USP34: variants seen among roughly 807,000 people sequenced by gnomAD.
USP34 encodes ubiquitin specific peptidase 34.
Under a neutral mutation model 460.3 loss-of-function variants are expected in USP34, and 70 were observed. That is an observed-to-expected ratio of 0.15 (90% CI 0.13 to 0.19). The LOEUF (loss-of-function observed/expected upper bound fraction) is 0.19, where lower values mean the gene tolerates loss of function less well. USP34 is among the 10% of genes least tolerant of loss of function. USP34 has a pLI of 1.00. For synonymous variants in USP34, 1,647 were observed against 1,405.3 expected, an observed-to-expected ratio of 1.17 and a Z score of -3.85; for missense variants, 3,985 against 4,236.2, an observed-to-expected ratio of 0.94 and a Z score of 1.65.
At chr2:61,314,811 T>C in intron 24 of USP34, 64 bp downstream of exon 24, 1 of 1,587,898 alleles carries the variant, frequency 6.3e-7, no homozygotes, top group East Asian at 2.2e-5. Flanking sequence ...CAAAGAAAAA[T>C]TTTAGTTTCA....
intron 8 of USP34, among the ~76,000 whole-genome samples, chr2:61,374,552 A>C (rs779404798): frequency 6.6e-6 from 1 of 152,206 alleles, no homozygotes; most frequent in Non-Finnish European, 1.5e-5. Context: ...CTTGCTTCAG[A>C]GCTCATACAG....
intron 21 of USP34, among the ~76,000 whole-genome samples, chr2:61,322,886 C>A: frequency 6.6e-6 from 1 of 152,042 alleles, no homozygotes; most frequent in Admixed American, 6.5e-5. Context: ...TAATTATAGT[C>A]AACTAAATAA....
chr2:61,274,996 G>A (rs1432037087), intron 41 of USP34, among the ~76,000 whole-genome samples: 2 of 152,226 alleles, frequency 1.3e-5, no homozygotes, highest in East Asian at 1.9e-4. Context: ...AATATTCTGG[G>A]CCAGGCATGG....
At chr2:61,458,459 G>T (rs1695501052) in intron 1 of USP34, among the ~76,000 whole-genome samples, 1 of 151,444 alleles carries the variant, frequency 6.6e-6, no homozygotes, top group African/African-American at 2.4e-5. Context: ...TACTCGGGAG[G>T]CTGAGGCAGG....
chr2:61,362,256 C>G (rs1692298317), intron 10 of USP34, among the ~76,000 whole-genome samples: 1 of 152,084 alleles, frequency 6.6e-6, no homozygotes, highest in African/African-American at 2.4e-5. Flanking sequence ...GGACGTTCCT[C>G]AAAAAATTAA....
chr2:61,383,121 A>C, intron 6 of USP34, 148 bp downstream of exon 6: 1 of 461,104 alleles, frequency 2.2e-6, no homozygotes, highest in Non-Finnish European at 3.8e-6. Context: ...ATATATGTGC[A>C]TAAAAAACAC....
chr2:61,466,134 T>C (rs1015949961), intron 1 of USP34, among the ~76,000 whole-genome samples: 1 of 151,582 alleles, frequency 6.6e-6, no homozygotes, highest in Non-Finnish European at 1.5e-5. Flanking sequence ...AACAATAATA[T>C]ATGATACAAG....
Position 61,229,468 on chromosome 2 carries a change from A to AC in USP34, c.7199+79_7199+80insG, listed in dbSNP as rs1409301133. 48 of 628,582 alleles carry AC rather than the reference A, an allele frequency of 7.6e-5. 1 individual carries two copies. The highest frequency in any genetic ancestry group is 3.7e-4 in the East Asian group (8 of 21,454). 38.9% of individuals were successfully genotyped at this position (628,582 alleles called of 1,614,324 possible). The stretch of plus-strand genomic sequence containing the variant: ...GAAACCCTATCTCTTAAAAAAAAAA[A>AC]AAAAAAACAAAAAAAAAAAACAAAA... On this transcript the variant is annotated intron_variant, in intron 59 of 79. Coordinates refer to ENST00000398571, the MANE Select transcript of USP34 (RefSeq NM_014709.4).
Position 61,348,410 on chromosome 2 carries a change from C to G in USP34, c.1745G>C (p.Ser582Thr). 6.2e-7 allele frequency: 1 copy of G among 1,613,902 alleles called. No homozygotes were observed. The stretch of plus-strand genomic sequence containing the variant: ...GCTAGATCCATCACTATGCCCACTA[C>G]TGCTACCAGGACCACTGCTTCCATC... The part of the protein sequence containing the change: ...GEDGSSGPGS[S>T]SGHSDGSSNE... The change falls in exon 15 of 80, where the codon AGT becomes ACT. Residue 582 changes from serine (S) to threonine (T), a missense_variant. By Grantham distance (58) the Ser-to-Thr change is moderately conservative (BLOSUM62 1). This residue lies in a region of USP34 where 716 missense variants were observed against 626.2 expected (regional missense o/e 1.14). Coordinates refer to ENST00000398571, the MANE Select transcript of USP34 (RefSeq NM_014709.4).
chr2:61,381,217 AT>A (rs1465994834), intron 6 of USP34, among the ~76,000 whole-genome samples: 15 of 119,698 alleles, frequency 1.3e-4, no homozygotes, highest in African/African-American at 4.1e-4. Context: ...AAAAAAAAAA[AT>A]AAATAAATAA....
chr2:61,317,058 T>C (rs1348209380), intron 23 of USP34, among the ~76,000 whole-genome samples: 8 of 152,216 alleles, frequency 5.3e-5, no homozygotes, highest in African/African-American at 1.9e-4. Flanking sequence ...ATCAATCTTT[T>C]ATTTGAAGTA....
At chr2:61,211,243 A>C (rs1440125917) in intron 69 of USP34, among the ~76,000 whole-genome samples, 12 of 152,218 alleles carry the variant, frequency 7.9e-5, no homozygotes, top group Admixed American at 7.9e-4. Flanking sequence ...GAATTTAAGA[A>C]ATTAGCCTGA....
chr2:61,443,241 G>T (rs1380291710), intron 1 of USP34, among the ~76,000 whole-genome samples: 2 of 152,104 alleles, frequency 1.3e-5, no homozygotes, highest in Non-Finnish European at 2.9e-5. Context: ...AATGACTACA[G>T]TTAACAATAA....
chr2:61,449,790 C>A (rs188059128), intron 1 of USP34, among the ~76,000 whole-genome samples: 1 of 149,614 alleles, frequency 6.7e-6, no homozygotes, highest in Non-Finnish European at 1.5e-5. Flanking sequence ...TTGTATCAGC[C>A]GGCGCGGTGG....
At chr2:61,468,003 T>C (rs548644987) in intron 1 of USP34, among the ~76,000 whole-genome samples, 64 of 152,100 alleles carry the variant, frequency 4.2e-4, no homozygotes, top group Non-Finnish European at 8.5e-4. Context: ...GGGCAGACTT[T>C]ATAGGTAATT....
chr2:61,348,268 A>G lies in USP34; in HGVS notation c.1887T>C (p.His629=), dbSNP rs1304559245. Residue 629 remains histidine (H), a synonymous_variant, in exon 15 of 80, where the codon CAT becomes CAC. Transcript: ENST00000398571. ...AACTGCTTTTGGGAGGATTATGACC[A>G]TGATCATCGTCTTCATCTTCCTCTT... ...ALKEEDEDDD[H]GHNPPKSSCG... 1.2e-6 allele frequency: 2 copies of G among 1,614,188 alleles called. No homozygotes were observed.
intron 1 of USP34, among the ~76,000 whole-genome samples, chr2:61,424,383 C>A (rs1694448885): frequency 6.6e-6 from 1 of 152,100 alleles, no homozygotes; most frequent in Non-Finnish European, 1.5e-5. Flanking sequence ...CCATCATTGA[C>A]CAAAACATCG....
chr2:61,313,228 CA>C (rs1690648760), intron 25 of USP34, among the ~76,000 whole-genome samples: 1 of 151,752 alleles, frequency 6.6e-6, no homozygotes, highest in Non-Finnish European at 1.5e-5. Context: ...ATATCAAGGA[CA>C]TAACAATTTT....
At chr2:61,399,295 A>G (rs891860873) in intron 3 of USP34, among the ~76,000 whole-genome samples, 1 of 151,282 alleles carries the variant, frequency 6.6e-6, no homozygotes, top group African/African-American at 2.4e-5. Context: ...GTGAGCTGTT[A>G]TCATGCCACC....
Sources: allele counts gnomAD v4.1 joint callset (sites outside exome capture counted in the v4.1 genomes callset), GRCh38; gene constraint gnomAD v4.1.1; regional missense constraint gnomAD v4.1.1; transcripts MANE v1.5; gene names NCBI Gene and HGNC (gene_info 2026-07-23, HGNC 2026-07-21).